The following SEC14L1 variants were observed in gnomAD, a reference collection of about 807,000 sequenced individuals.
SEC14L1 encodes the protein SEC14-like protein 1.
Under a neutral mutation model 85.3 loss-of-function variants are expected in SEC14L1, and 48 were observed. The ratio of observed to expected loss-of-function variants is 0.56; its 90% CI spans 0.45 to 0.72. The LOEUF (loss-of-function observed/expected upper bound fraction) is 0.72. SEC14L1 is among the 30% of genes least tolerant of loss of function. The probability of loss-of-function intolerance (pLI) is 0.00; values close to 1 mark genes in which losing one functional copy is unlikely to be tolerated. For missense variants in SEC14L1, 682 were observed against 921.4 expected, an observed-to-expected ratio of 0.74 and a Z score of 3.36; for synonymous variants, 391 against 355.5, an observed-to-expected ratio of 1.10 and a Z score of -1.12.
intron 3 of SEC14L1, among the ~76,000 whole-genome samples, chr17:77,183,129 T>G (rs1234296812): frequency 6.6e-6 from 1 of 152,290 alleles, no homozygotes; most frequent in Non-Finnish European, 1.5e-5. Flanking sequence ...TTTCTTGGTT[T>G]GTACCAATCT....
chr17:77,216,790 A>G lies in SEC14L1; in HGVS notation c.*2767A>G. The G allele has an allele frequency of 1.5e-6, 1 of 685,844 alleles. No individual in the cohort carries two copies. Among genetic ancestry groups the G allele is most frequent in the Non-Finnish European group, 2.3e-6 (1 of 427,962 alleles). The allele number at this position is 685,844 out of a possible 1,614,324, so 42.5% of individuals were successfully genotyped here. A position where few individuals can be genotyped will look rare whatever the true frequency, so the allele number is the denominator to read the frequency against. On this transcript the variant is annotated 3_prime_UTR_variant, in exon 17 of 17. Coordinates refer to ENST00000436233, the MANE Select transcript of SEC14L1 (RefSeq NM_001143998.2). ...TACAGGGTTTCCTCCCGAGTAATCC[A>G]ATCTCACTCCCCTTGTAAGGGAATT... is the stretch of plus-strand genomic sequence containing the variant.
At chr17:77,136,972 C>T (rs531592240), upstream of SEC14L1, among the ~76,000 whole-genome samples, 40 of 149,456 alleles carry the variant, frequency 2.7e-4, no homozygotes, top group African/African-American at 3.7e-4. Flanking sequence ...TGCAATGGTG[C>T]GGTCTCGGCT....
chr17:77,167,892 G>C (rs1320612013), intron 3 of SEC14L1, among the ~76,000 whole-genome samples: 1 of 152,202 alleles, frequency 6.6e-6, no homozygotes, highest in Non-Finnish European at 1.5e-5. Context: ...TTCTCAGCAA[G>C]GCAATTTACT....
chr17:77,119,030 C>A (rs1972238867), intron 3 of SEC14L1, among the ~76,000 whole-genome samples: 1 of 152,140 alleles, frequency 6.6e-6, no homozygotes, highest in South Asian at 2.1e-4. Context: ...CCTGTACAGG[C>A]CGGGTACAGT....
intron 4 of SEC14L1, 89 bp from the exon 5 acceptor site, chr17:77,191,092 G>A: frequency 6.6e-7 from 1 of 1,513,030 alleles, no homozygotes; most frequent in Non-Finnish European, 9.0e-7. Flanking sequence ...CTGGAGGGCA[G>A]CCCCCAGAGA....
Position 77,216,082 on chromosome 17 carries a change from T to TTAGTAGGTAGGGC in SEC14L1, c.*2072_*2084dup, listed in dbSNP as rs1977047061. ...TAGTAGGTAGGGCTAGTAGGTAGGG[T>TTAGTAGGTAGGGC]TAGTAGGTAGGGCTAGTAGGTAGGG... On this transcript the variant is annotated 3_prime_UTR_variant, in exon 17 of 17. Coordinates refer to ENST00000436233, the MANE Select transcript of SEC14L1 (RefSeq NM_001143998.2). 1 of 972,780 alleles carries TTAGTAGGTAGGGC rather than the reference T, an allele frequency of 1.0e-6. No homozygotes were observed. Among genetic ancestry groups the TTAGTAGGTAGGGC allele is most frequent in the Non-Finnish European group, 1.2e-6 (1 of 835,912 alleles). The allele number at this position is 972,780 out of a possible 1,614,324, so 60.3% of individuals were successfully genotyped here.
intron 2 of SEC14L1, among the ~76,000 whole-genome samples, chr17:77,092,621 G>A (rs1971543727): frequency 6.6e-6 from 1 of 152,094 alleles, no homozygotes; most frequent in Non-Finnish European, 1.5e-5. Flanking sequence ...GTTTCTAAGG[G>A]CAACGTGGTG....
At position 77,212,013 on chromosome 17, in the gene SEC14L1, G is replaced by T; in HGVS notation, c.1675G>T (p.Asp559Tyr). 6.2e-7 allele frequency: 1 copy of T among 1,614,092 alleles called. No individual in the cohort carries two copies. Among genetic ancestry groups the T allele is most frequent in the Non-Finnish European group, 8.5e-7 (1 of 1,180,022 alleles). Residue 559 changes from aspartate to tyrosine, a missense_variant, in exon 15 of 17, where the codon GAC becomes TAC. Around this residue, in one of 3 missense-constraint regions of SEC14L1, gnomAD observed 420 missense variants for 619.5 expected, o/e 0.68. Transcript: ENST00000436233. Reference protein sequence around the residue: ...ITWDFDVCKGDIVFNIYHSKR... With the variant: ...ITWDFDVCKGYIVFNIYHSKR... ...TTGGGATTTCGACGTGTGCAAAGGG[G>T]ACATTGTGTTTAACATCTATCACTC...
chr17:77,144,707 G>T (rs1973199768), intron 3 of SEC14L1: 1 of 152,196 alleles, frequency 6.6e-6, no homozygotes, highest in Admixed American at 6.5e-5. Flanking sequence ...CCATCTCCTG[G>T]GTTCAAGCGA....
At chr17:77,116,963 A>T (rs149471399) in intron 3 of SEC14L1, among the ~76,000 whole-genome samples, 2 of 152,260 alleles carry the variant, frequency 1.3e-5, no homozygotes, top group African/African-American at 4.8e-5. Flanking sequence ...AATGGTAAGC[A>T]TCCTCTTCAT....
chr17:77,159,593 C>T (rs1042341637), intron 3 of SEC14L1, among the ~76,000 whole-genome samples: 1 of 151,114 alleles, frequency 6.6e-6, no homozygotes, highest in Non-Finnish European at 1.5e-5. Context: ...ATTGGCCACA[C>T]TGGTCTCAAA....
chr17:77,114,449 G>A (rs1340799094), intron 3 of SEC14L1, among the ~76,000 whole-genome samples: 3 of 146,938 alleles, frequency 2.0e-5, no homozygotes, highest in African/African-American at 2.5e-5. Context: ...GCTTGAACCT[G>A]GGAGGCGGAG....
At chr17:77,140,291 C>A (rs549293463), upstream of SEC14L1, among the ~76,000 whole-genome samples, 111 of 152,326 alleles carry the variant, frequency 7.3e-4, no homozygotes, top group East Asian at 5.8e-4. Context: ...TTCAAGCCCG[C>A]GGCCCGACAC....
intron 5 of SEC14L1, 134 bp from the exon 6 acceptor site, chr17:77,193,287 A>G (rs538737967): frequency 2.1e-5 from 16 of 755,772 alleles, no homozygotes; most frequent in Non-Finnish European, 3.1e-5. Flanking sequence ...CATTTTTTCC[A>G]TCTGCTGTCT....
At chr17:77,111,403 T>C (rs1972043178) in intron 3 of SEC14L1, among the ~76,000 whole-genome samples, 1 of 151,660 alleles carries the variant, frequency 6.6e-6, no homozygotes. Context: ...AGTGTTTTTT[T>C]TTTTTTTGAG....
intron 3 of SEC14L1, among the ~76,000 whole-genome samples, chr17:77,148,846 T>G (rs1973429817): frequency 1.3e-5 from 2 of 152,258 alleles, no homozygotes; most frequent in Admixed American, 1.3e-4. Flanking sequence ...ACGTCTCAGC[T>G]CCTGTGCTTT....
At position 77,206,994 on chromosome 17, in the gene SEC14L1, C is replaced by T. The variant is rs190302197; in HGVS notation, c.1476+132C>T. The T allele has an allele frequency of 4.9e-5, 45 of 927,416 alleles. No individual in the cohort carries two copies. Among genetic ancestry groups the T allele is most frequent in the Admixed American group, 4.0e-4 (13 of 32,366 alleles). The allele number at this position is 927,416 out of a possible 1,614,324, so 57.4% of individuals were successfully genotyped here. A position where few individuals can be genotyped will look rare whatever the true frequency, so the allele number is the denominator to read the frequency against. On this transcript the variant is annotated intron_variant, in intron 13 of 16. Transcript: ENST00000436233. The surrounding 1 kb of genome is among the most constrained non-coding windows in gnomAD (Gnocchi z 4.3). ...TTGTTTTTGTTTTGTTTCTTTTGGC[C>T]GCCATTTCTCTGATCCAGGGTTAAG...
At chr17:77,205,369 C>G (rs772388471) in intron 11 of SEC14L1, 23 bp downstream of exon 11, 4 of 1,589,170 alleles carry the variant, frequency 2.5e-6, no homozygotes, top group South Asian at 2.2e-5. Flanking sequence ...TTTTGTTTTT[C>G]CTTTCAACTT....
chr17:77,140,518 G>T (rs570876171), upstream of SEC14L1, among the ~76,000 whole-genome samples: 1 of 152,260 alleles, frequency 6.6e-6, no homozygotes, highest in Non-Finnish European at 1.5e-5. Flanking sequence ...ACCAGAGGCA[G>T]GCCTCAGAGC....
Sources: allele counts gnomAD v4.1 joint callset (sites outside exome capture counted in the v4.1 genomes callset), GRCh38; gene constraint gnomAD v4.1.1; regional missense constraint gnomAD v4.1.1; non-coding constraint Gnocchi (gnomAD v3.1); transcripts MANE v1.5; gene names NCBI Gene and HGNC (gene_info 2026-07-23, HGNC 2026-07-21).